Variants in LINGO2 observed in about 807,000 individuals in gnomAD.
LINGO2 encodes leucine rich repeat and Ig domain containing 2, also known as leucine-rich repeat and immunoglobulin-like domain-containing nogo receptor-interacting protein 2.
Under a neutral mutation model 30.6 loss-of-function variants are expected in LINGO2, and 14 were observed. That is an observed-to-expected ratio of 0.46 (90% confidence interval 0.30 to 0.72). LINGO2 has a LOEUF of 0.72. LINGO2 is among the 30% of genes least tolerant of loss of function. The probability of loss-of-function intolerance (pLI) is 0.07; values close to 1 mark genes in which losing one functional copy is unlikely to be tolerated. For synonymous variants in LINGO2, 317 were observed against 288.5 expected, an observed-to-expected ratio of 1.10 and a Z score of -1.00; for missense variants, 729 against 751.7, an observed-to-expected ratio of 0.97 and a Z score of 0.35.
At chr9:28,036,669 G>C (rs575106066) in intron 4 of LINGO2, among the ~76,000 whole-genome samples, 1 of 152,182 alleles carries the variant, frequency 6.6e-6, no homozygotes, top group African/African-American at 2.4e-5. Flanking sequence ...AACCTGAGTT[G>C]ACTCATAAGT....
In LINGO2 at chr9:27,981,534, C is replaced by CAAAAAAAAAAAAAAAAAAAAAAAAAA. The variant is rs763284293; in HGVS notation, c.-36+30820_-36+30821insTTTTTTTTTTTTTTTTTTTTTTTTTT. ...ATGAAAGGATAAATGACGAGGATGG[C>CAAAAAAAAAAAAAAAAAAAAAAAAAA]AAAAAAAAAAAAAAAAGAAAAAAAA... On this transcript the variant is annotated intron_variant, in intron 5 of 5. Coordinates refer to ENST00000379992, the Ensembl canonical transcript of LINGO2. Among the ~76,000 whole-genome samples the CAAAAAAAAAAAAAAAAAAAAAAAAAA allele has an allele frequency of 1.6e-3, 63 of 39,832 alleles. 3 individuals carry two copies. Among genetic ancestry groups the CAAAAAAAAAAAAAAAAAAAAAAAAAA allele is most frequent in the South Asian group, 2.4e-3 (3 of 1,230 alleles). The allele number at this position is 39,832 out of a possible 152,430, so 26.1% of individuals were successfully genotyped here.
chr9:28,267,047 T>C (rs1822776650), intron 4 of LINGO2, among the ~76,000 whole-genome samples: 1 of 151,994 alleles, frequency 6.6e-6, no homozygotes, highest in African/African-American at 2.4e-5. Context: ...GAATTCTTCT[T>C]CCATGTTTCC....
chr9:28,160,398 G>A (rs725468), intron 4 of LINGO2, among the ~76,000 whole-genome samples: 6,707 of 152,124 alleles, frequency 0.044, 222 homozygotes, highest in Admixed American at 0.085. Context: ...AGAATTCTTC[G>A]CTGTCAAATT....
chr9:28,299,360 T>A (rs888936026), intron 3 of LINGO2, among the ~76,000 whole-genome samples: 1 of 152,140 alleles, frequency 6.6e-6, no homozygotes, highest in African/African-American at 2.4e-5. Context: ...CTTTCTACCT[T>A]AAAAATGTCA....
At chr9:28,033,005 C>G (rs1823756969) in intron 4 of LINGO2, among the ~76,000 whole-genome samples, 1 of 152,172 alleles carries the variant, frequency 6.6e-6, no homozygotes, top group Non-Finnish European at 1.5e-5. Context: ...CCTTGCGGCT[C>G]TCAAATCAGA....
intron 1 of LINGO2, among the ~76,000 whole-genome samples, chr9:28,565,480 T>G (rs1823325790): frequency 6.7e-6 from 1 of 149,150 alleles, no homozygotes; most frequent in African/African-American, 2.5e-5. Flanking sequence ...GCATCATGCC[T>G]GATAAGGAAA....
At chr9:28,913,563 G>C in the LINGO2 span, among the ~76,000 whole-genome samples, 1 of 152,066 alleles carries the variant, frequency 6.6e-6, no homozygotes, top group Non-Finnish European at 1.5e-5. Flanking sequence ...CCAATGTATA[G>C]ATAGTATAAA....
chr9:28,105,388 C>G (rs758474985), intron 4 of LINGO2, among the ~76,000 whole-genome samples: 13 of 152,010 alleles, frequency 8.6e-5, no homozygotes, highest in Non-Finnish European at 1.8e-4. Context: ...GAACAAGAAA[C>G]AATAGTGGTC....
intron 2 of LINGO2, among the ~76,000 whole-genome samples, chr9:28,417,783 C>T (rs953584683): frequency 6.6e-6 from 1 of 152,154 alleles, no homozygotes; most frequent in Non-Finnish European, 1.5e-5. Context: ...TGTTTACATG[C>T]TTGTTGGATC....
At chr9:28,614,039 T>A (rs531299129) in intron 1 of LINGO2, among the ~76,000 whole-genome samples, 91 of 152,280 alleles carry the variant, frequency 6.0e-4, no homozygotes, top group African/African-American at 2.2e-3. Flanking sequence ...ATTTGACTTA[T>A]GCCATATGGT....
the LINGO2 span, among the ~76,000 whole-genome samples, chr9:29,203,722 G>A: frequency 6.6e-6 from 1 of 152,090 alleles, no homozygotes; most frequent in African/African-American, 2.4e-5. Context: ...TCTGGTCCCT[G>A]GCCACTTAAT....
chr9:27,984,042 T>C (rs867128873), intron 5 of LINGO2, among the ~76,000 whole-genome samples: 1 of 151,810 alleles, frequency 6.6e-6, no homozygotes, highest in Non-Finnish European at 1.5e-5. Flanking sequence ...GGAGTTTTCA[T>C]GGGTTGAGAA....
chr9:29,213,368 A>T, the LINGO2 span, among the ~76,000 whole-genome samples: 1 of 152,110 alleles, frequency 6.6e-6, no homozygotes, highest in Non-Finnish European at 1.5e-5. Context: ...GGAAAGGTGT[A>T]AGAAGAGCCA....
the LINGO2 span, among the ~76,000 whole-genome samples, chr9:28,797,679 A>G: frequency 6.6e-6 from 1 of 152,096 alleles, no homozygotes; most frequent in Non-Finnish European, 1.5e-5. Context: ...TGATATGTCT[A>G]TTAGATATTT....
chr9:29,083,946 T>C, the LINGO2 span, among the ~76,000 whole-genome samples: 1 of 152,082 alleles, frequency 6.6e-6, no homozygotes. Flanking sequence ...TTGATACTTT[T>C]TTTCATCCCT....
At chr9:28,707,051 A>T in the LINGO2 span, among the ~76,000 whole-genome samples, 3 of 152,214 alleles carry the variant, frequency 2.0e-5, no homozygotes, top group East Asian at 5.8e-4. Flanking sequence ...AAATATTTAT[A>T]TTGGTTTGCA....
chr9:28,332,535 TA>T (rs1564128823), intron 3 of LINGO2, among the ~76,000 whole-genome samples: 1 of 151,924 alleles, frequency 6.6e-6, no homozygotes, highest in Non-Finnish European at 1.5e-5. Flanking sequence ...AGGGTGGTAC[TA>T]TCTATTCTTG....
the LINGO2 span, among the ~76,000 whole-genome samples, chr9:28,930,573 C>T: frequency 1.3e-5 from 2 of 152,138 alleles, no homozygotes. This position sits in a 1 kb window ranked among gnomAD's most constrained non-coding sequence, Gnocchi z 4.2. Flanking sequence ...TTTGACCCGA[C>T]CAGTTCTTCC....
the LINGO2 span, among the ~76,000 whole-genome samples, chr9:29,094,349 A>G: frequency 1.4e-5 from 2 of 139,270 alleles, 1 homozygote; most frequent in East Asian, 4.9e-4. Context: ...ACGTTTCATT[A>G]CACAAACCCT....
Sources: allele counts gnomAD v4.1 joint callset (sites outside exome capture counted in the v4.1 genomes callset), GRCh38; gene constraint gnomAD v4.1.1; non-coding constraint Gnocchi (gnomAD v3.1); transcripts MANE v1.5; gene names NCBI Gene and HGNC (gene_info 2026-07-23, HGNC 2026-07-21).